MAF: variants seen among roughly 807,000 people sequenced by gnomAD.
The protein encoded by MAF is transcription factor Maf.
A neutral mutation model predicts 22.0 loss-of-function variants in MAF; 10 were observed. The ratio of observed to expected loss-of-function variants is 0.45; its 90% CI spans 0.28 to 0.77. The LOEUF is 0.77. Among genes scored for constraint, MAF ranks in the 30% least tolerant of loss-of-function variants. The probability of loss-of-function intolerance (pLI) is 0.12; values close to 1 mark genes in which losing one functional copy is unlikely to be tolerated. For synonymous variants in MAF, 337 were observed against 255.8 expected (o/e 1.32, Z -3.03); for missense variants, 544 against 548.4 (o/e 0.99, Z 0.08).
chr16:79,328,589 GAGCCGAGCTGGCACT>G, the MAF span, among the ~76,000 whole-genome samples: 1 of 152,168 alleles, frequency 6.6e-6, no homozygotes. Flanking sequence ...AAAATCCCTC[GAGCCGAGCTGGCACT>G]TGAACGAAGA....
At chr16:79,208,681 T>C in the MAF span, among the ~76,000 whole-genome samples, 3 of 152,132 alleles carry the variant, frequency 2.0e-5, no homozygotes, top group Non-Finnish European at 2.9e-5. Context: ...TGGCAGTACC[T>C]GCTTGTTTAC....
chr16:79,386,629 T>A, the MAF span, among the ~76,000 whole-genome samples: 2 of 152,114 alleles, frequency 1.3e-5, no homozygotes, highest in African/African-American at 4.8e-5. Flanking sequence ...TATACACATA[T>A]ATCATTTATA....
chr16:79,522,816 G>A, the MAF span, among the ~76,000 whole-genome samples: 32 of 152,154 alleles, frequency 2.1e-4, no homozygotes, highest in African/African-American at 7.5e-4. Context: ...ACATTTAATG[G>A]ATTAAGGCTG....
chr16:79,543,004 T>C, the MAF span, among the ~76,000 whole-genome samples: 1 of 152,316 alleles, frequency 6.6e-6, no homozygotes, highest in East Asian at 1.9e-4. Context: ...TGTGCAGTTA[T>C]GTTTTCTCTC....
chr16:79,578,979 G>A, the MAF span, among the ~76,000 whole-genome samples: 2 of 152,118 alleles, frequency 1.3e-5, no homozygotes, highest in African/African-American at 2.4e-5. Flanking sequence ...CAACAAGCCA[G>A]CCAGGAAAAG....
At chr16:79,562,528 A>G in the MAF span, among the ~76,000 whole-genome samples, 1 of 152,146 alleles carries the variant, frequency 6.6e-6, no homozygotes, top group Admixed American at 6.5e-5. Flanking sequence ...AGACCACAAA[A>G]CATTTCTTTA....
chr16:79,376,633 C>T, the MAF span, among the ~76,000 whole-genome samples: 14 of 152,174 alleles, frequency 9.2e-5, no homozygotes, highest in African/African-American at 3.4e-4. Flanking sequence ...CCCATTAACT[C>T]GTCATTTAGC....
At chr16:79,488,346 C>T in the MAF span, among the ~76,000 whole-genome samples, 1 of 152,160 alleles carries the variant, frequency 6.6e-6, no homozygotes, top group East Asian at 1.9e-4. Context: ...CCTCTCACCC[C>T]CTTACTCTCC....
chr16:79,422,267 G>T, the MAF span, among the ~76,000 whole-genome samples: 2 of 152,200 alleles, frequency 1.3e-5, no homozygotes, highest in Non-Finnish European at 2.9e-5. Context: ...CGAAGAATTA[G>T]GTTGAAAGAA....
chr16:79,277,106 T>A, the MAF span, among the ~76,000 whole-genome samples: 8 of 152,300 alleles, frequency 5.3e-5, no homozygotes, highest in African/African-American at 1.9e-4. Flanking sequence ...GGTGCAATCA[T>A]GGCTCACTGT....
the MAF span, among the ~76,000 whole-genome samples, chr16:79,451,445 G>A: frequency 6.6e-6 from 1 of 152,174 alleles, no homozygotes; most frequent in Non-Finnish European, 1.5e-5. Flanking sequence ...CAATGTCTCT[G>A]TCAGCTAAAT....
the MAF span, among the ~76,000 whole-genome samples, chr16:79,264,934 A>AG: frequency 6.6e-6 from 1 of 152,214 alleles, no homozygotes. Flanking sequence ...GCAAAGTCAA[A>AG]GGGGAAGACT....
At chr16:79,210,952 T>G in the MAF span, among the ~76,000 whole-genome samples, 1 of 152,126 alleles carries the variant, frequency 6.6e-6, no homozygotes, top group Non-Finnish European at 1.5e-5. Flanking sequence ...GGGTCAAATA[T>G]GACATTTAGA....
chr16:79,593,885 G>T lies in MAF; in HGVS notation c.*575C>A, dbSNP rs562098398. The T allele has an allele frequency of 2.1e-4, 40 of 189,926 alleles. No homozygotes were observed. The South Asian group carries it at 7.3e-3, about 35-fold the overall frequency. 11.8% of individuals were successfully genotyped at this position (189,926 alleles called of 1,614,324 possible). On this transcript the variant is annotated 3_prime_UTR_variant, in exon 2 of 2. Transcript: ENST00000326043. ...TTGCCACACATTGTTTTCATTTACA[G>T]CTATGTCTGACAAATGAGCACGTTT...
chr16:79,370,125 C>G, the MAF span, among the ~76,000 whole-genome samples: 1 of 152,180 alleles, frequency 6.6e-6, no homozygotes, highest in South Asian at 2.1e-4. Context: ...AGTCTCCTTC[C>G]CCAGGAGGCT....
chr16:79,504,376 A>C, the MAF span, among the ~76,000 whole-genome samples: 2 of 152,232 alleles, frequency 1.3e-5, no homozygotes, highest in Non-Finnish European at 2.9e-5. Context: ...GGAGATAGTA[A>C]GAATGAATTC....
chr16:79,344,080 G>C, the MAF span, among the ~76,000 whole-genome samples: 3 of 152,194 alleles, frequency 2.0e-5, no homozygotes, highest in Admixed American at 6.5e-5. Flanking sequence ...AGGCTTCCAA[G>C]AGCTGATCCA....
chr16:79,366,383 A>C, the MAF span, among the ~76,000 whole-genome samples: 2 of 152,194 alleles, frequency 1.3e-5, no homozygotes, highest in African/African-American at 2.4e-5. Flanking sequence ...TTCAAATTCC[A>C]AGTTGTCTTC....
At chr16:79,325,421 T>C in the MAF span, among the ~76,000 whole-genome samples, 1 of 152,106 alleles carries the variant, frequency 6.6e-6, no homozygotes, top group Non-Finnish European at 1.5e-5. Context: ...ATGATCATAA[T>C]CGTGTCTTTA....
Sources: gnomAD v4.1 joint callset for allele counts (sites outside exome capture counted in the v4.1 genomes callset) on GRCh38, gnomAD v4.1.1 for gene constraint, MANE v1.5 for transcripts, NCBI Gene and HGNC (gene_info 2026-07-23, HGNC 2026-07-21) for gene names.